EYS: variants seen among roughly 807,000 people sequenced by gnomAD.
EYS encodes the protein EGF-like photoreceptor maintenance factor, also known as protein eyes shut homolog.
EYS carries 250 observed loss-of-function variants against 282.1 expected under a neutral mutation model. That is an observed-to-expected ratio of 0.89 (90% CI 0.80 to 0.98). The LOEUF (loss-of-function observed/expected upper bound fraction) is 0.98, where lower values mean the gene tolerates loss of function less well. EYS is among the 50% of genes least tolerant of loss of function. The pLI is 0.00. For synonymous variants in EYS, 1,355 were observed against 1,282.9 expected (o/e 1.06, Z -1.20); for missense variants, 4,016 against 3,709.0 (o/e 1.08, Z -2.15).
At chr6:64,503,270 G>C (rs1297853278) in intron 26 of EYS, among the ~76,000 whole-genome samples, 1 of 152,130 alleles carries the variant, frequency 6.6e-6, no homozygotes, top group Non-Finnish European at 1.5e-5. Flanking sequence ...CAAAGACAGA[G>C]AGTCCTTGGG....
At chr6:64,900,234 G>A (rs1295951407) in intron 18 of EYS, among the ~76,000 whole-genome samples, 1 of 152,126 alleles carries the variant, frequency 6.6e-6, no homozygotes, top group Admixed American at 6.5e-5. Flanking sequence ...ATTAACTCAA[G>A]ATGGATTAAA....
intron 32 of EYS, among the ~76,000 whole-genome samples, chr6:64,073,790 A>T (rs1562186640): frequency 6.6e-6 from 1 of 151,536 alleles, no homozygotes; most frequent in Non-Finnish European, 1.5e-5. Flanking sequence ...ATATATATAT[A>T]TGTTTGCAAA....
intron 31 of EYS, among the ~76,000 whole-genome samples, chr6:64,210,654 G>C (rs1296934176): frequency 1.3e-5 from 2 of 152,144 alleles, no homozygotes; most frequent in East Asian, 3.9e-4. Context: ...TAATGGCAAT[G>C]ATTAAATTCA....
intron 2 of EYS, among the ~76,000 whole-genome samples, chr6:65,504,919 C>T (rs1766600665): frequency 2.0e-5 from 3 of 151,538 alleles, no homozygotes; most frequent in Non-Finnish European, 3.0e-5. Context: ...TAATGCTAGC[C>T]TCAGGAAATG....
chr6:65,087,166 T>C (rs1280290851), intron 12 of EYS, among the ~76,000 whole-genome samples: 1 of 152,130 alleles, frequency 6.6e-6, no homozygotes, highest in African/African-American at 2.4e-5. Flanking sequence ...CAGGTTAGGA[T>C]GTTTAAGGAT....
At chr6:64,271,734 A>G (rs1218172468) in intron 30 of EYS, among the ~76,000 whole-genome samples, 4 of 151,996 alleles carry the variant, frequency 2.6e-5, no homozygotes, top group Admixed American at 6.6e-5. Context: ...ATTAAACTAA[A>G]CACTTTATCC....
chr6:65,177,953 T>C (rs924302984), intron 12 of EYS, among the ~76,000 whole-genome samples: 1 of 151,894 alleles, frequency 6.6e-6, no homozygotes, highest in African/African-American at 2.4e-5. Context: ...CAGAATTAGA[T>C]TTCAGTTTGT....
chr6:65,596,777 A>G (rs554166145), intron 2 of EYS, among the ~76,000 whole-genome samples: 85 of 152,232 alleles, frequency 5.6e-4, no homozygotes, highest in Non-Finnish European at 1.1e-3. Flanking sequence ...TATTCATTAC[A>G]ATTATAAAAA....
At chr6:65,674,977 G>A (rs1313202753) in intron 1 of EYS, among the ~76,000 whole-genome samples, 1 of 151,882 alleles carries the variant, frequency 6.6e-6, no homozygotes, top group Non-Finnish European at 1.5e-5. Context: ...GTGTATGTGT[G>A]GAGGAGGAAG....
At chr6:64,154,123 T>C (rs944685043) in intron 31 of EYS, among the ~76,000 whole-genome samples, 6 of 152,118 alleles carry the variant, frequency 3.9e-5, no homozygotes, top group African/African-American at 1.4e-4. Context: ...TGCATAGTGA[T>C]GGGTACCTCC....
chr6:65,519,706 A>ATTTTTTTTT (rs1418670707), intron 2 of EYS, among the ~76,000 whole-genome samples: 1 of 36,596 alleles, frequency 2.7e-5, no homozygotes, highest in African/African-American at 1.5e-4. Context: ...ATATATATAT[A>ATTTTTTTTT]TATTTTTTTT....
chr6:64,591,292 T>C lies in EYS; in HGVS notation c.4575A>G (p.Glu1525=). The part of the protein sequence containing the change: ...RFSTKAFNPS[E]YQAITEASSN... ...TTGAAGCCTCAGTAATAGCCTGATATTCACTGGGATTGAAGGCTTTTGTAC... is the reference window on the plus strand; with the variant it reads ...TTGAAGCCTCAGTAATAGCCTGATACTCACTGGGATTGAAGGCTTTTGTAC... The change falls in exon 26 of 43, where the codon GAA becomes GAG. Residue 1525 remains glutamate (E), a synonymous_variant. Transcript: ENST00000503581. 2.6e-6 allele frequency: 4 copies of C among 1,551,408 alleles called. No homozygotes were observed. The highest frequency in any genetic ancestry group is 1.4e-5 in the African/African-American group (1 of 73,134).
intron 36 of EYS, among the ~76,000 whole-genome samples, chr6:63,840,211 C>CTTATTATTA (rs377459471): frequency 0.42 from 58,840 of 139,954 alleles, 14,002 homozygotes; most frequent in Non-Finnish European, 0.53. Flanking sequence ...CCATGCCCAT[C>CTTATTATTA]TTATTATTAT....
intron 31 of EYS, among the ~76,000 whole-genome samples, chr6:64,105,032 TGAGA>T (rs916439475): frequency 6.7e-6 from 1 of 150,062 alleles, no homozygotes; most frequent in Non-Finnish European, 1.5e-5. Context: ...GATGAATGAA[TGAGA>T]GAGAGGGGGC....
intron 12 of EYS, among the ~76,000 whole-genome samples, chr6:65,233,832 GT>G (rs1174369076): frequency 6.6e-6 from 1 of 152,086 alleles, no homozygotes. Flanking sequence ...TGTCTATGAG[GT>G]TTCTACCCTG....
chr6:63,735,002 G>A (rs1163610184), intron 41 of EYS, among the ~76,000 whole-genome samples: 1 of 151,970 alleles, frequency 6.6e-6, no homozygotes, highest in Non-Finnish European at 1.5e-5. Flanking sequence ...TAAATACTGG[G>A]CCATAAAACA....
chr6:65,578,384 C>T (rs1236881386), intron 2 of EYS, among the ~76,000 whole-genome samples: 1 of 151,506 alleles, frequency 6.6e-6, no homozygotes, highest in Non-Finnish European at 1.5e-5. Flanking sequence ...AAGTCAAATT[C>T]GTAGAAAACT....
chr6:65,512,070 G>C (rs1562232312), intron 2 of EYS, among the ~76,000 whole-genome samples: 1 of 150,886 alleles, frequency 6.6e-6, no homozygotes. Context: ...TCAAAACCCA[G>C]TGGCTAACTC....
chr6:64,662,557 G>T (rs1769077209), intron 22 of EYS, among the ~76,000 whole-genome samples: 2 of 152,060 alleles, frequency 1.3e-5, no homozygotes, highest in South Asian at 4.1e-4. Flanking sequence ...ATTCTGAAAT[G>T]CCTTTATTAA....
Sources: gnomAD v4.1 joint callset for allele counts (sites outside exome capture counted in the v4.1 genomes callset) on GRCh38, gnomAD v4.1.1 for gene constraint, MANE v1.5 for transcripts, NCBI Gene and HGNC (gene_info 2026-07-23, HGNC 2026-07-21) for gene names.